Variants in TSGA10 observed in about 807,000 individuals in gnomAD.
TSGA10 encodes testis-specific gene 10 protein.
In TSGA10, 43 loss-of-function variants were observed where a neutral mutation model predicts 96.6. The observed-to-expected ratio is 0.44, with a 90% CI of 0.35 to 0.57. The LOEUF (loss-of-function observed/expected upper bound fraction) is 0.57, where lower values mean the gene tolerates loss of function less well. TSGA10 is among the 20% of genes least tolerant of loss of function. The pLI, the probability that TSGA10 is intolerant of heterozygous loss-of-function variation, is 0.01. For missense variants in TSGA10, 703 were observed against 834.4 expected (o/e 0.84, Z 1.94); for synonymous variants, 229 against 269.9 (o/e 0.85, Z 1.48).
intron 1 of TSGA10, among the ~76,000 whole-genome samples, chr2:99,128,876 T>C (rs898817240): frequency 3.9e-5 from 6 of 152,100 alleles, no homozygotes; most frequent in African/African-American, 1.4e-4. Context: ...GCCTCCCAAA[T>C]AGCTGGGAAC....
intron 10 of TSGA10, among the ~76,000 whole-genome samples, chr2:99,093,515 A>T (rs2104704385): frequency 6.7e-6 from 1 of 149,428 alleles, no homozygotes; most frequent in East Asian, 2.0e-4. Flanking sequence ...AGACTCCTCC[A>T]AAAAGCTCCT....
chr2:99,106,781 T>C (rs1024225870), intron 7 of TSGA10, among the ~76,000 whole-genome samples: 6 of 152,174 alleles, frequency 3.9e-5, no homozygotes, highest in Non-Finnish European at 7.4e-5. Flanking sequence ...CCTTTTAACA[T>C]TGTTCCTCCC....
intron 2 of TSGA10, among the ~76,000 whole-genome samples, chr2:99,124,123 T>A (rs1574560157): frequency 6.6e-6 from 1 of 152,334 alleles, no homozygotes; most frequent in East Asian, 1.9e-4. Flanking sequence ...TTTCTTCACA[T>A]CCTCACCAAC....
intron 1 of TSGA10, among the ~76,000 whole-genome samples, chr2:99,129,723 C>T (rs1305277085): frequency 6.6e-6 from 1 of 152,178 alleles, no homozygotes; most frequent in Non-Finnish European, 1.5e-5. Flanking sequence ...TCAGAGAAGG[C>T]AAGTGAAACA....
intron 10 of TSGA10, chr2:99,102,382 G>C (rs2090871708): frequency 6.2e-7 from 1 of 1,613,530 alleles, no homozygotes; most frequent in Non-Finnish European, 8.5e-7. Context: ...CAGTTTACTG[G>C]AGTTGGAATT....
chr2:99,112,529 G>T (rs1201951715), intron 4 of TSGA10, among the ~76,000 whole-genome samples: 1 of 115,326 alleles, frequency 8.7e-6, no homozygotes, highest in Non-Finnish European at 2.1e-5. Flanking sequence ...TTTTAAATAG[G>T]GTGGTCAGGA....
intron 10 of TSGA10, chr2:99,102,211 A>G (rs764465557): frequency 4.4e-6 from 7 of 1,608,574 alleles, no homozygotes; most frequent in South Asian, 1.1e-5. Flanking sequence ...CAGGTATCCA[A>G]GAACTTCAGT....
intron 5 of TSGA10, 109 bp downstream of exon 5, chr2:99,110,741 C>G (rs2091731885): frequency 4.6e-6 from 1 of 219,568 alleles, no homozygotes; most frequent in Non-Finnish European, 7.7e-6. Flanking sequence ...AGAAAACAAA[C>G]ATATTTTATT....
intron 1 of TSGA10, chr2:99,150,766 G>A: frequency 6.2e-7 from 1 of 1,613,660 alleles, no homozygotes; most frequent in Non-Finnish European, 8.5e-7. Flanking sequence ...ATCTCTTTCT[G>A]GGAAAGCCTT....
intron 15 of TSGA10, among the ~76,000 whole-genome samples, chr2:99,067,773 G>A (rs1167016153): frequency 6.6e-6 from 1 of 151,956 alleles, no homozygotes; most frequent in Non-Finnish European, 1.5e-5. Flanking sequence ...CTTGAACATG[G>A]GAGGCAAAGG....
intron 10 of TSGA10, among the ~76,000 whole-genome samples, chr2:99,092,788 AC>A (rs1286739793): frequency 3.9e-5 from 6 of 151,956 alleles, no homozygotes; most frequent in Non-Finnish European, 8.8e-5. Context: ...AAAATTGCCC[AC>A]AAAAAAAGTC....
At chr2:99,063,026 T>C (rs1385985248) in intron 16 of TSGA10, among the ~76,000 whole-genome samples, 2 of 152,206 alleles carry the variant, frequency 1.3e-5, no homozygotes, top group African/African-American at 4.8e-5. Flanking sequence ...CATAAAATTA[T>C]AATAGCTACA....
At chr2:99,089,600 G>A (rs1273157080) in intron 10 of TSGA10, among the ~76,000 whole-genome samples, 1 of 152,108 alleles carries the variant, frequency 6.6e-6, no homozygotes, top group African/African-American at 2.4e-5. Flanking sequence ...GGCCTTTTGG[G>A]TTGCATGGGA....
Position 99,017,915 on chromosome 2 carries a change from A to T in TSGA10, c.2072+285T>A, listed in dbSNP as rs531251544. Among the ~76,000 whole-genome samples the T allele has an allele frequency of 1.2e-4, 19 of 152,158 alleles. No homozygotes were observed. The South Asian group carries it at 3.7e-3, about 30-fold the overall frequency. On this transcript the variant is annotated intron_variant, in intron 20 of 20. Transcript: ENST00000393483. ...AAAATCTCAAAAATTACTGCTAAGGAACTTATCGGTGTAACAAAAAACCAC... is the reference window on the plus strand; with the variant it reads ...AAAATCTCAAAAATTACTGCTAAGGTACTTATCGGTGTAACAAAAAACCAC...
chr2:99,053,727 A>T (rs1322657055), intron 16 of TSGA10, among the ~76,000 whole-genome samples: 1 of 152,216 alleles, frequency 6.6e-6, no homozygotes, highest in Non-Finnish European at 1.5e-5. Context: ...AAATTTTAGG[A>T]TACAAAATCA....
intron 17 of TSGA10, among the ~76,000 whole-genome samples, chr2:99,026,059 C>T (rs557733207): frequency 1.1e-4 from 16 of 152,120 alleles, no homozygotes; most frequent in Non-Finnish European, 2.1e-4. Flanking sequence ...ATGTATTCTA[C>T]TGTTTTTGGA....
rs926041307 is a variant in TSGA10, at chr2:99,118,590, C to T, written c.-395G>A. On this transcript the variant is annotated 5_prime_UTR_variant, in exon 3 of 21. Coordinates refer to ENST00000393483, the MANE Select transcript of TSGA10 (RefSeq NM_025244.4). ...TATCAAATCAATCAAGTATTTGCTG[C>T]CTAATGTGGAGGAACACAGCTTTCC... The T allele has an allele frequency of 2.0e-6, 2 of 983,456 alleles. No homozygotes were observed. The highest frequency in any genetic ancestry group is 1.8e-5 in the African/African-American group (1 of 56,988). The allele number at this position is 983,456 out of a possible 1,614,324, so 60.9% of individuals were successfully genotyped here.
intron 16 of TSGA10, among the ~76,000 whole-genome samples, chr2:99,040,959 A>C (rs1366461807): frequency 1.3e-5 from 2 of 152,220 alleles, no homozygotes; most frequent in Non-Finnish European, 2.9e-5. Flanking sequence ...GCTTTGGCTT[A>C]CTCAGGCATG....
chr2:99,102,548 T>G (rs2090890396), intron 10 of TSGA10: 1 of 1,614,192 alleles, frequency 6.2e-7, no homozygotes, highest in African/African-American at 1.3e-5. Flanking sequence ...AGGCTCTGGA[T>G]GCTCAGCACA....
Sources: gnomAD v4.1 joint callset for allele counts (sites outside exome capture counted in the v4.1 genomes callset) on GRCh38, gnomAD v4.1.1 for gene constraint, MANE v1.5 for transcripts, NCBI Gene and HGNC (gene_info 2026-07-23, HGNC 2026-07-21) for gene names.